The following DNER variants were observed in gnomAD, a reference collection of about 807,000 sequenced individuals.
The protein encoded by DNER is delta and Notch-like epidermal growth factor-related receptor.
A neutral mutation model predicts 78.2 loss-of-function variants in DNER; 33 were observed. The ratio of observed to expected loss-of-function variants is 0.42; its 90% CI spans 0.32 to 0.56. The LOEUF (loss-of-function observed/expected upper bound fraction) is 0.56, where lower values mean the gene tolerates loss of function less well. Ranked by LOEUF, DNER falls within the 20% of genes least tolerant of loss-of-function variation. The pLI is 0.11. For synonymous variants in DNER, 417 were observed against 384.8 expected, an observed-to-expected ratio of 1.08 and a Z score of -0.98; for missense variants, 918 against 975.3, an observed-to-expected ratio of 0.94 and a Z score of 0.78.
intron 5 of DNER, among the ~76,000 whole-genome samples, chr2:229,521,644 T>C (rs1696101197): frequency 6.6e-6 from 1 of 152,254 alleles, no homozygotes; most frequent in Admixed American, 6.5e-5. Context: ...AACCTCCTAC[T>C]AAACCCAGAT....
At chr2:229,664,104 G>C (rs558688531) in intron 1 of DNER, among the ~76,000 whole-genome samples, 1 of 152,216 alleles carries the variant, frequency 6.6e-6, no homozygotes, top group African/African-American at 2.4e-5. Context: ...AGGGGATTTT[G>C]TGAATCCTGT....
chr2:229,428,232 C>T (rs753135134), intron 8 of DNER, among the ~76,000 whole-genome samples: 8 of 151,984 alleles, frequency 5.3e-5, no homozygotes, highest in Non-Finnish European at 7.4e-5. Context: ...GGGGATAAGA[C>T]CTGCAAGAAT....
rs181631055 is a variant in DNER at position 229,385,122 on chromosome 2, A to G, written c.1855+3143T>C. ...ATCTAAAAAAAAAAAAAAAAAGCTT[A>G]TCCACCACAATCAAGTTGGCTTCAT... On this transcript the variant is annotated intron_variant, in intron 11 of 12. Coordinates refer to ENST00000341772, the MANE Select transcript of DNER (RefSeq NM_139072.4). Among the ~76,000 whole-genome samples, 11 of 151,262 alleles carry G rather than the reference A, an allele frequency of 7.3e-5. No homozygotes were observed. The East Asian group carries it at 2.1e-3, about 29-fold the overall frequency.
intron 1 of DNER, among the ~76,000 whole-genome samples, chr2:229,640,293 T>A (rs572159265): frequency 6.6e-6 from 1 of 152,358 alleles, no homozygotes; most frequent in African/African-American, 2.4e-5. Context: ...CAGGATTACA[T>A]TACAATGCAA....
Position 229,447,336 on chromosome 2 carries a change from T to C in DNER, c.1466A>G (p.Tyr489Cys). 3.1e-6 allele frequency: 5 copies of C among 1,605,404 alleles called. No homozygotes were observed. Among genetic ancestry groups the C allele is most frequent in the African/African-American group, 1.3e-5 (1 of 74,912 alleles). Reference sequence around the variant, plus strand: ...CCCACCTGGATCACAGAGGCATTTGTAGCTGGTGCCCACGCTGCGGCACGT... The same window carrying C: ...CCCACCTGGATCACAGAGGCATTTGCAGCTGGTGCCCACGCTGCGGCACGT... ...HGTCRSVGTS[Y>C]KCLCDPGYHG... The change falls in exon 8 of 13, where the codon TAC becomes TGC. Residue 489 changes from tyrosine to cysteine, a missense_variant. Transcript: ENST00000341772.
At chr2:229,444,922 G>A (rs1694309440) in intron 8 of DNER, among the ~76,000 whole-genome samples, 1 of 152,156 alleles carries the variant, frequency 6.6e-6, no homozygotes, top group African/African-American at 2.4e-5. Flanking sequence ...AGGAGAAAGG[G>A]AGGAGAAAAT....
intron 4 of DNER, among the ~76,000 whole-genome samples, chr2:229,581,764 G>A (rs1174041359): frequency 6.6e-6 from 1 of 152,198 alleles, no homozygotes; most frequent in Non-Finnish European, 1.5e-5. Flanking sequence ...CTTTTAAAGA[G>A]TATTTGTGTA....
At chr2:229,607,537 C>T (rs951945687) in intron 1 of DNER, among the ~76,000 whole-genome samples, 2 of 152,072 alleles carry the variant, frequency 1.3e-5, no homozygotes, top group African/African-American at 2.4e-5. Flanking sequence ...TTGATCTAAA[C>T]ACAAATGAGA....
intron 1 of DNER, among the ~76,000 whole-genome samples, chr2:229,627,398 G>T (rs1289283115): frequency 6.6e-6 from 1 of 152,208 alleles, no homozygotes; most frequent in East Asian, 1.9e-4. Flanking sequence ...AGACATAACA[G>T]ATTTCAATTA....
intron 7 of DNER, among the ~76,000 whole-genome samples, chr2:229,474,382 A>ATGAAAGCCTGCTT: frequency 6.6e-6 from 1 of 152,326 alleles, no homozygotes; most frequent in Middle Eastern, 3.4e-3. Context: ...CTAAACTCTA[A>ATGAAAGCCTGCTT]TGAAAGCCTG....
intron 4 of DNER, among the ~76,000 whole-genome samples, chr2:229,571,389 A>G (rs1171602252): frequency 6.6e-6 from 1 of 151,910 alleles, no homozygotes; most frequent in African/African-American, 2.4e-5. Context: ...CCCTCTCACC[A>G]TCTGTCTCCA....
At chr2:229,492,278 A>G (rs960302273) in intron 6 of DNER, among the ~76,000 whole-genome samples, 3 of 152,248 alleles carry the variant, frequency 2.0e-5, no homozygotes, top group African/African-American at 7.2e-5. Context: ...TCACACAACC[A>G]GTAGGTAGAA....
rs76191130 is a variant in DNER, at chr2:229,467,413, G to A, written c.1261+9727C>T. On this transcript the variant is annotated intron_variant, in intron 7 of 12. Transcript: ENST00000341772. ...TATTTAACCAAAAATAATATATGAT[G>A]AAGCAATTAACAAAACATTCTTCTA... 5.7e-3 allele frequency among the ~76,000 whole-genome samples: 872 copies of A among 152,270 alleles called. 11 individuals carry two copies. The highest frequency in any genetic ancestry group is 0.02 in the African/African-American group (835 of 41,552).
In DNER at chr2:229,591,774, T is replaced by C; in HGVS notation, c.391A>G (p.Asn131Asp). Residue 131 changes from asparagine (N) to aspartate (D), a missense_variant, in exon 2 of 13, where the codon AAC (asparagine) becomes GAC (aspartate). Asn to Asp is a conservative substitution (Grantham distance 23). Transcript: ENST00000341772. This position sits in a 1 kb window ranked among gnomAD's most constrained non-coding sequence, Gnocchi z 4.6. ...CICNEGYEGP[N>D]CEQALPSLPA... ...AGACTGGGAAGTGCCTGTTCACAGT[T>C]GGGACCTTCATAGCCTTCATTGCAA... The C allele has an allele frequency of 6.2e-7, 1 of 1,614,178 alleles. No homozygotes were observed. The highest frequency in any genetic ancestry group is 1.1e-5 in the South Asian group (1 of 91,080).
chr2:229,436,343 T>C (rs563720914), intron 8 of DNER, among the ~76,000 whole-genome samples: 1 of 152,334 alleles, frequency 6.6e-6, no homozygotes, highest in East Asian at 1.9e-4. Flanking sequence ...AAAAATCCAG[T>C]CTACCACTGA....
intron 9 of DNER, among the ~76,000 whole-genome samples, chr2:229,410,117 C>T (rs1478060732): frequency 6.6e-6 from 1 of 152,158 alleles, no homozygotes; most frequent in Non-Finnish European, 1.5e-5. Flanking sequence ...CACCCTTCCC[C>T]CAACCTGATC....
intron 6 of DNER, among the ~76,000 whole-genome samples, chr2:229,485,670 T>C (rs1393088805): frequency 6.6e-6 from 1 of 152,076 alleles, no homozygotes; most frequent in African/African-American, 2.4e-5. Context: ...GTAAATTACA[T>C]GAGGTGTAAG....
At chr2:229,451,380 C>G (rs754854942) in intron 7 of DNER, among the ~76,000 whole-genome samples, 1 of 152,140 alleles carries the variant, frequency 6.6e-6, no homozygotes, top group Non-Finnish European at 1.5e-5. Context: ...TCGCTTGAAC[C>G]CAGGAGGCGG....
At chr2:229,511,863 T>A (rs1278502319) in intron 6 of DNER, among the ~76,000 whole-genome samples, 1 of 152,186 alleles carries the variant, frequency 6.6e-6, no homozygotes, top group Admixed American at 6.5e-5. Flanking sequence ...CGTAGCCCCA[T>A]GTGAACTTTC....
Sources: gnomAD v4.1 joint callset for allele counts (sites outside exome capture counted in the v4.1 genomes callset) on GRCh38, gnomAD v4.1.1 for gene constraint, Gnocchi (gnomAD v3.1) non-coding constraint, MANE v1.5 for transcripts, NCBI Gene and HGNC (gene_info 2026-07-23, HGNC 2026-07-21) for gene names.